The following CTNNA2 variants were observed in gnomAD, a reference collection of about 807,000 sequenced individuals.
CTNNA2 encodes catenin alpha-2.
In CTNNA2, 42 loss-of-function variants were observed where a neutral mutation model predicts 101.0. The ratio of observed to expected loss-of-function variants is 0.42; its 90% confidence interval spans 0.32 to 0.54. The LOEUF (loss-of-function observed/expected upper bound fraction) is 0.54, where lower values mean the gene tolerates loss of function less well. Ranked by LOEUF, CTNNA2 falls within the 20% of genes least tolerant of loss-of-function variation. The probability of loss-of-function intolerance (pLI) is 0.14; values close to 1 mark genes in which losing one functional copy is unlikely to be tolerated. For synonymous variants in CTNNA2, 450 were observed against 456.4 expected (o/e 0.99, Z 0.18); for missense variants, 871 against 1,223.1 (o/e 0.71, Z 4.29).
intron 4 of CTNNA2, among the ~76,000 whole-genome samples, chr2:79,473,288 C>A (rs1470375745): frequency 6.6e-6 from 1 of 152,060 alleles, no homozygotes; most frequent in Non-Finnish European, 1.5e-5. Context: ...AATTATTTAT[C>A]TGAGCATTGA....
At chr2:79,280,659 G>C (rs1423473417) in intron 2 of CTNNA2, among the ~76,000 whole-genome samples, 1 of 76,326 alleles carries the variant, frequency 1.3e-5, no homozygotes, top group African/African-American at 7.1e-5. Flanking sequence ...GTGTGTGTAA[G>C]AGAAAGAGAG....
At chr2:80,373,735 G>T (rs1675663982) in intron 7 of CTNNA2, among the ~76,000 whole-genome samples, 1 of 152,186 alleles carries the variant, frequency 6.6e-6, no homozygotes, top group African/African-American at 2.4e-5. Flanking sequence ...AAACCAGCCT[G>T]GCATTCAGAC....
At chr2:80,483,906 A>G (rs1428241597) in intron 9 of CTNNA2, among the ~76,000 whole-genome samples, 1 of 152,170 alleles carries the variant, frequency 6.6e-6, no homozygotes, top group African/African-American at 2.4e-5. Flanking sequence ...GACAAAAACT[A>G]ATGAAGAGAA....
intron 1 of CTNNA2, among the ~76,000 whole-genome samples, chr2:79,520,930 C>T (rs1187749990): frequency 6.6e-6 from 1 of 151,684 alleles, no homozygotes; most frequent in Non-Finnish European, 1.5e-5. Flanking sequence ...GTTAAAAATA[C>T]TCTTACCATA....
At chr2:79,407,192 A>G (rs1678350113) in intron 4 of CTNNA2, among the ~76,000 whole-genome samples, 1 of 152,128 alleles carries the variant, frequency 6.6e-6, no homozygotes, top group Non-Finnish European at 1.5e-5. Flanking sequence ...AAATAATATT[A>G]CAGTCTATTA....
intron 7 of CTNNA2, among the ~76,000 whole-genome samples, chr2:80,278,152 G>T (rs974446042): frequency 3.3e-5 from 5 of 152,082 alleles, no homozygotes; most frequent in Admixed American, 2.0e-4. Context: ...CCCTCATAGA[G>T]TATGGTAAAA....
chr2:80,458,823 C>T (rs1012759100), intron 9 of CTNNA2, among the ~76,000 whole-genome samples: 20 of 152,092 alleles, frequency 1.3e-4, no homozygotes, highest in Non-Finnish European at 2.4e-4. Flanking sequence ...AAATGATCAG[C>T]CCCCTCTCTT....
At chr2:79,349,226 A>G (rs1310398793) in intron 3 of CTNNA2, among the ~76,000 whole-genome samples, 1 of 152,228 alleles carries the variant, frequency 6.6e-6, no homozygotes, top group East Asian at 1.9e-4. Flanking sequence ...GAGATTGGGA[A>G]GAACATTTTA....
At chr2:80,512,750 T>G (rs1688809013) in intron 9 of CTNNA2, among the ~76,000 whole-genome samples, 1 of 152,158 alleles carries the variant, frequency 6.6e-6, no homozygotes. Context: ...TTTTTAGTAT[T>G]TTTTTCATCA....
At chr2:79,498,339 G>C (rs146109868) in intron 4 of CTNNA2, among the ~76,000 whole-genome samples, 5 of 152,290 alleles carry the variant, frequency 3.3e-5, no homozygotes, top group African/African-American at 1.2e-4. Flanking sequence ...AGGGACTGGA[G>C]ATGTCCTGTG....
chr2:79,431,428 G>A (rs1678658134), intron 4 of CTNNA2, among the ~76,000 whole-genome samples: 1 of 152,034 alleles, frequency 6.6e-6, no homozygotes, highest in Non-Finnish European at 1.5e-5. Context: ...GCTGTGCATT[G>A]CCTTTGTCCT....
At chr2:80,568,461 G>A (rs1363255888) in intron 12 of CTNNA2, among the ~76,000 whole-genome samples, 5 of 152,160 alleles carry the variant, frequency 3.3e-5, no homozygotes, top group East Asian at 3.9e-4. Flanking sequence ...AAAGAATGAA[G>A]CAGAGATGGT....
At chr2:80,110,571 G>C (rs1427742971) in intron 7 of CTNNA2, among the ~76,000 whole-genome samples, 1 of 152,164 alleles carries the variant, frequency 6.6e-6, no homozygotes, top group Non-Finnish European at 1.5e-5. Flanking sequence ...TGGGTCATCA[G>C]GGTTTTGTTT....
intron 4 of CTNNA2, among the ~76,000 whole-genome samples, chr2:79,459,373 G>A (rs1444761545): frequency 1.3e-5 from 2 of 151,862 alleles, no homozygotes; most frequent in East Asian, 3.9e-4. Flanking sequence ...AGAGGAATAT[G>A]CAAGTATTGT....
chr2:79,326,498 A>G (rs1676751067), intron 3 of CTNNA2, among the ~76,000 whole-genome samples: 1 of 152,116 alleles, frequency 6.6e-6, no homozygotes, highest in Admixed American at 6.6e-5. Context: ...TCTCCTTTAA[A>G]TTCAGGAAAA....
chr2:80,348,598 G>A (rs1028395921), intron 7 of CTNNA2, among the ~76,000 whole-genome samples: 3 of 152,102 alleles, frequency 2.0e-5, no homozygotes, highest in African/African-American at 7.2e-5. Flanking sequence ...ACGTAGCTGT[G>A]TATGATTAAC....
chr2:80,035,419 C>G (rs1695583915), intron 7 of CTNNA2, among the ~76,000 whole-genome samples: 1 of 152,134 alleles, frequency 6.6e-6, no homozygotes, highest in Non-Finnish European at 1.5e-5. Context: ...GTATTTGGTT[C>G]ACAATTGTTG....
Position 80,589,901 on chromosome 2 carries a change from TGTG to T in CTNNA2, c.2189+417_2189+419del, listed in dbSNP as rs1436709062. 3.4e-3 allele frequency among the ~76,000 whole-genome samples: 471 copies of T among 140,536 alleles called. 5 individuals are homozygous for T. The highest frequency in any genetic ancestry group is 0.01 in the African/African-American group (379 of 37,338). 92.2% of individuals were successfully genotyped at this position (140,536 alleles called of 152,430 possible). ...GTGTGTGTGTGTGTGTGTGTGTGTG[TGTG>T]TGCGCGCGCGCGCATGTATACATAT... On this transcript the variant is annotated intron_variant, in intron 15 of 18. Coordinates refer to ENST00000402739, the MANE Select transcript of CTNNA2 (RefSeq NM_001282597.3).
intron 7 of CTNNA2, among the ~76,000 whole-genome samples, chr2:80,281,909 A>G (rs1005340728): frequency 6.6e-6 from 1 of 152,048 alleles, no homozygotes; most frequent in Admixed American, 6.6e-5. Context: ...AAAAGAAGTA[A>G]TGCTAAAGTT....
Sources: gnomAD v4.1 joint callset for allele counts (sites outside exome capture counted in the v4.1 genomes callset) on GRCh38, gnomAD v4.1.1 for gene constraint, MANE v1.5 for transcripts, NCBI Gene and HGNC (gene_info 2026-07-23, HGNC 2026-07-21) for gene names.